Variants in FSTL5 observed in about 807,000 individuals in gnomAD.
The protein encoded by FSTL5 is follistatin like 5, also known as follistatin-related protein 5.
In FSTL5, 62 loss-of-function variants were observed where a neutral mutation model predicts 89.1. The observed-to-expected ratio is 0.70, with a 90% CI of 0.57 to 0.86. The LOEUF (loss-of-function observed/expected upper bound fraction) is 0.86. Among genes scored for constraint, FSTL5 ranks in the 40% least tolerant of loss-of-function variants. The pLI is 0.00. For synonymous variants in FSTL5, 383 were observed against 346.2 expected (o/e 1.11, Z -1.18); for missense variants, 1,057 against 1,001.6 (o/e 1.06, Z -0.75).
chr4:161,600,158 A>AACACACACACAC (rs71598717), intron 7 of FSTL5, among the ~76,000 whole-genome samples: 2,464 of 142,020 alleles, frequency 0.017, 37 homozygotes, highest in East Asian at 0.054. Flanking sequence ...AATGTCAATA[A>AACACACACACAC]ACACACACAC....
intron 4 of FSTL5, among the ~76,000 whole-genome samples, chr4:161,781,842 T>C (rs1741681109): frequency 6.6e-6 from 1 of 152,198 alleles, no homozygotes; most frequent in African/African-American, 2.4e-5. Context: ...TCTACCATTA[T>C]ACTATAATTT....
intron 3 of FSTL5, among the ~76,000 whole-genome samples, chr4:162,009,332 C>T (rs1235176831): frequency 6.6e-6 from 1 of 152,088 alleles, no homozygotes; most frequent in East Asian, 1.9e-4. Flanking sequence ...CTAGAGCTGG[C>T]ATTATTAATA....
intron 7 of FSTL5, among the ~76,000 whole-genome samples, chr4:161,606,063 T>C (rs1047036995): frequency 1.3e-5 from 2 of 152,052 alleles, no homozygotes; most frequent in Non-Finnish European, 2.9e-5. Flanking sequence ...AGACACCACG[T>C]GGAGTACAGC....
At chr4:161,761,208 G>A (rs1441293955) in intron 5 of FSTL5, among the ~76,000 whole-genome samples, 1 of 152,088 alleles carries the variant, frequency 6.6e-6, no homozygotes, top group East Asian at 1.9e-4. Flanking sequence ...CCAGCTGGAT[G>A]GATTAACAAA....
intron 6 of FSTL5, among the ~76,000 whole-genome samples, chr4:161,663,910 ACCCACGG>A: frequency 6.6e-6 from 1 of 152,120 alleles, no homozygotes; most frequent in Non-Finnish European, 1.5e-5. Context: ...ACTTCTGTGC[ACCCACGG>A]GCTCAACACC....
chr4:161,977,639 AAATAATAAT>A (rs70937700), intron 3 of FSTL5, among the ~76,000 whole-genome samples: 4 of 101,222 alleles, frequency 4.0e-5, no homozygotes, highest in African/African-American at 1.2e-4. Flanking sequence ...AAAAAAAAAA[AAATAATAAT>A]AATAATAATA....
chr4:162,069,343 G>T (rs905137074), intron 2 of FSTL5, among the ~76,000 whole-genome samples: 2 of 151,840 alleles, frequency 1.3e-5, no homozygotes, highest in Admixed American at 6.6e-5. Context: ...CCTAATCAAG[G>T]TAATTAGCAT....
At chr4:161,594,703 T>G (rs892573786) in intron 7 of FSTL5, among the ~76,000 whole-genome samples, 7 of 152,148 alleles carry the variant, frequency 4.6e-5, no homozygotes, top group Non-Finnish European at 1.0e-4. Flanking sequence ...AAACTCCTTT[T>G]CAGGCAGCTT....
intron 7 of FSTL5, among the ~76,000 whole-genome samples, chr4:161,634,442 A>G (rs559728674): frequency 6.6e-6 from 1 of 152,326 alleles, no homozygotes; most frequent in African/African-American, 2.4e-5. Flanking sequence ...TGCACCTTCA[A>G]TGTTTATTAC....
In FSTL5 at chr4:161,399,828, A is replaced by G. The variant is rs571844798; in HGVS notation, c.1842-13379T>C. 1.4e-4 allele frequency among the ~76,000 whole-genome samples: 22 copies of G among 152,258 alleles called. No homozygotes were observed. In the South Asian group the frequency reaches 2.9e-3, roughly 20 times the overall value. ...ACTACAAGAGCAATAGGAGGTGGCTATTAAGTAGTACAGTATGTACTACAG... is the reference window on the plus strand; with the variant it reads ...ACTACAAGAGCAATAGGAGGTGGCTGTTAAGTAGTACAGTATGTACTACAG... On this transcript the variant is annotated intron_variant, in intron 15 of 15. Transcript: ENST00000306100.
intron 6 of FSTL5, among the ~76,000 whole-genome samples, chr4:161,748,946 C>T (rs578259097): frequency 3.3e-5 from 5 of 152,086 alleles, no homozygotes; most frequent in East Asian, 1.9e-4. Flanking sequence ...CACTAAGCAT[C>T]GGATAAATGC....
intron 8 of FSTL5, among the ~76,000 whole-genome samples, chr4:161,579,632 G>A: frequency 6.6e-6 from 1 of 151,582 alleles, no homozygotes; most frequent in African/African-American, 2.4e-5. Flanking sequence ...CAGGAGAATT[G>A]CTTGAACCTG....
chr4:161,515,925 G>A (rs1043734577), intron 10 of FSTL5, among the ~76,000 whole-genome samples: 1 of 151,684 alleles, frequency 6.6e-6, no homozygotes, highest in Non-Finnish European at 1.5e-5. Context: ...TTTGATATAT[G>A]TCAGGTTGAT....
chr4:161,426,665 C>T (rs568700789), intron 15 of FSTL5, among the ~76,000 whole-genome samples: 1 of 152,154 alleles, frequency 6.6e-6, no homozygotes, highest in Non-Finnish European at 1.5e-5. Flanking sequence ...CAGTCTGGCT[C>T]ACTGCAACCT....
At chr4:162,121,575 C>T (rs753491803) in intron 1 of FSTL5, among the ~76,000 whole-genome samples, 25 of 151,950 alleles carry the variant, frequency 1.6e-4, no homozygotes, top group Admixed American at 3.3e-4. Context: ...TTGCTGAAAG[C>T]GGAGGTCTGT....
At chr4:161,410,061 CAAAAG>C (rs1260753321) in intron 15 of FSTL5, among the ~76,000 whole-genome samples, 1 of 152,046 alleles carries the variant, frequency 6.6e-6, no homozygotes, top group African/African-American at 2.4e-5. Flanking sequence ...AAACAGAAAA[CAAAAG>C]AAAAGCCAGA....
At chr4:161,568,561 G>A (rs781364699) in intron 8 of FSTL5, among the ~76,000 whole-genome samples, 43 of 152,102 alleles carry the variant, frequency 2.8e-4, no homozygotes, top group Non-Finnish European at 5.0e-4. Flanking sequence ...TAAATGAATA[G>A]CTGTGTTTAT....
chr4:162,052,356 T>C (rs958908953), intron 2 of FSTL5, among the ~76,000 whole-genome samples: 1 of 151,688 alleles, frequency 6.6e-6, no homozygotes, highest in Non-Finnish European at 1.5e-5. Flanking sequence ...AATGCTTTTG[T>C]AGATGATTTC....
At chr4:161,445,424 A>C (rs1732912020) in intron 15 of FSTL5, among the ~76,000 whole-genome samples, 1 of 151,910 alleles carries the variant, frequency 6.6e-6, no homozygotes, top group Non-Finnish European at 1.5e-5. Context: ...ATAAAAAATG[A>C]ATTTTTTAAT....
Sources: allele counts gnomAD v4.1 joint callset (sites outside exome capture counted in the v4.1 genomes callset), GRCh38; gene constraint gnomAD v4.1.1; transcripts MANE v1.5; gene names NCBI Gene and HGNC (gene_info 2026-07-23, HGNC 2026-07-21).